ADAM32: variants seen among roughly 807,000 people sequenced by gnomAD.
The protein encoded by ADAM32 is ADAM metallopeptidase domain 32, also known as disintegrin and metalloproteinase domain-containing protein 32.
Under a neutral mutation model 114.9 loss-of-function variants are expected in ADAM32, and 89 were observed. The observed-to-expected ratio is 0.77, with a 90% CI of 0.65 to 0.92. The LOEUF is 0.92. Ranked by LOEUF, ADAM32 falls within the 40% of genes least tolerant of loss-of-function variation. The pLI is 0.00. For synonymous variants in ADAM32, 285 were observed against 307.5 expected (o/e 0.93, Z 0.77); for missense variants, 870 against 932.8 (o/e 0.93, Z 0.88).
chr8:39,125,138 A>G (rs1802033908), intron 2 of ADAM32, among the ~76,000 whole-genome samples: 1 of 152,104 alleles, frequency 6.6e-6, no homozygotes, highest in Non-Finnish European at 1.5e-5. Context: ...GGCCACATGT[A>G]TGTCTTCTTT....
chr8:39,147,615 C>T (rs1008338603), intron 4 of ADAM32, among the ~76,000 whole-genome samples: 2 of 152,040 alleles, frequency 1.3e-5, no homozygotes, highest in Non-Finnish European at 2.9e-5. Context: ...GCCCTTCAAA[C>T]TAAGTGTCCA....
chr8:39,115,272 A>T (rs966532111), intron 1 of ADAM32, among the ~76,000 whole-genome samples: 2 of 152,064 alleles, frequency 1.3e-5, no homozygotes, highest in African/African-American at 4.8e-5. Context: ...GTTCTCTTTT[A>T]GGTTCCTTGA....
chr8:39,248,463 T>G (rs868030889), intron 17 of ADAM32, among the ~76,000 whole-genome samples: 14 of 152,194 alleles, frequency 9.2e-5, no homozygotes, highest in African/African-American at 3.4e-4. Context: ...GCAAATAGTA[T>G]TATGTCTTTA....
intron 10 of ADAM32, among the ~76,000 whole-genome samples, chr8:39,179,731 C>T (rs959576833): frequency 5.3e-5 from 8 of 152,124 alleles, no homozygotes; most frequent in African/African-American, 1.2e-4. Context: ...GGGCCATCAC[C>T]CCACCTTGCT....
rs1458697188 is a variant in ADAM32, at chr8:39,158,526, C to A, written c.526-2371C>A. On this transcript the variant is annotated intron_variant, in intron 6 of 24. Transcript: ENST00000379907. Reference sequence around the variant, plus strand: ...TTCACCTTGGGTCCTAGCCGGCCAGCTTCCCACACGATGTGTCATGCCAGC... The same window carrying A: ...TTCACCTTGGGTCCTAGCCGGCCAGATTCCCACACGATGTGTCATGCCAGC... 3.0e-5 allele frequency: 10 copies of A among 328,858 alleles called. No homozygotes were observed. The Admixed American group carries it at 4.5e-4, about 15-fold the overall frequency. The allele number at this position is 328,858 out of a possible 1,614,324, so 20.4% of individuals were successfully genotyped here.
intron 3 of ADAM32, among the ~76,000 whole-genome samples, chr8:39,139,527 G>T (rs1171654597): frequency 6.6e-6 from 1 of 152,082 alleles, no homozygotes; most frequent in Non-Finnish European, 1.5e-5. Flanking sequence ...CTGTTCCATT[G>T]GTCTATATCT....
chr8:39,132,514 A>G (rs1052755377), intron 2 of ADAM32, among the ~76,000 whole-genome samples: 3 of 152,234 alleles, frequency 2.0e-5, no homozygotes, highest in Non-Finnish European at 4.4e-5. Flanking sequence ...ATATATCATC[A>G]TAATTATTGC....
rs371668554 is a variant in ADAM32, at chr8:39,254,496, T to C, written c.1985T>C (p.Ile662Thr). Residue 662 changes from isoleucine to threonine, a missense_variant, in exon 18 of 25, where the codon ATA becomes ACA. Ile to Thr is a moderately conservative substitution (Grantham distance 89). Transcript: ENST00000379907. ...CAAATACGTTCCAAAGGATTTTCCA[T>C]ATTTCCTGAGGAAGATATGGGCAAG... Reference protein sequence around the residue: ...NCQIRSKGFSIFPEEDMGSIM... With the variant: ...NCQIRSKGFSTFPEEDMGSIM... 2.8e-5 allele frequency: 45 copies of C among 1,587,228 alleles called. No individual in the cohort carries two copies. Among genetic ancestry groups the C allele is most frequent in the Non-Finnish European group, 3.2e-5 (37 of 1,165,372 alleles).
chr8:39,171,430 C>T (rs1805182368), intron 10 of ADAM32, among the ~76,000 whole-genome samples: 1 of 152,142 alleles, frequency 6.6e-6, no homozygotes, highest in South Asian at 2.1e-4. Flanking sequence ...ATATCTTCTA[C>T]TTCGTGTGTT....
chr8:39,221,442 G>A, intron 12 of ADAM32, 168 bp from the exon 13 acceptor site: 1 of 574,504 alleles, frequency 1.7e-6, no homozygotes, highest in Non-Finnish European at 3.1e-6. Flanking sequence ...GGTAGTAAAA[G>A]TCCTACATTA....
intron 12 of ADAM32, 76 bp from the exon 13 acceptor site, chr8:39,221,534 A>C (rs938084746): frequency 8.7e-7 from 1 of 1,155,480 alleles, no homozygotes; most frequent in African/African-American, 1.5e-5. Context: ...CAGTAAGCCC[A>C]TCAAAATATA....
chr8:39,178,794 T>A (rs1805670606), intron 10 of ADAM32, among the ~76,000 whole-genome samples: 2 of 152,170 alleles, frequency 1.3e-5, no homozygotes, highest in African/African-American at 2.4e-5. Context: ...ATAGGGCTGC[T>A]GCAGTTTGCT....
At chr8:39,182,221 A>C (rs185459763) in intron 10 of ADAM32, among the ~76,000 whole-genome samples, 1 of 152,232 alleles carries the variant, frequency 6.6e-6, no homozygotes, top group Non-Finnish European at 1.5e-5. Flanking sequence ...GCTTTTTGAT[A>C]AAAGAAACTC....
chr8:39,211,038 A>T (rs1808170783), intron 11 of ADAM32, 106 bp from the exon 12 acceptor site: 2 of 1,037,026 alleles, frequency 1.9e-6, no homozygotes, highest in Non-Finnish European at 2.6e-6. Flanking sequence ...TATTATAAAC[A>T]TTTGTAACAG....
chr8:39,278,238 C>T (rs900891382), intron 22 of ADAM32, among the ~76,000 whole-genome samples: 4 of 152,150 alleles, frequency 2.6e-5, no homozygotes, highest in Non-Finnish European at 5.9e-5. Context: ...AGCTGCCTCT[C>T]GTCTCTGCCA....
chr8:39,235,003 G>T (rs866325595), intron 16 of ADAM32, among the ~76,000 whole-genome samples: 9 of 151,066 alleles, frequency 6.0e-5, no homozygotes, highest in African/African-American at 2.2e-4. Flanking sequence ...CCTTCCCCCC[G>T]CCCCTCTCTG....
chr8:39,267,116 G>A (rs1307206334), intron 19 of ADAM32, among the ~76,000 whole-genome samples: 1 of 152,212 alleles, frequency 6.6e-6, no homozygotes, highest in Non-Finnish European at 1.5e-5. Context: ...GTGGGTCCAT[G>A]TATATGTGCG....
At position 39,107,801 on chromosome 8, in the gene ADAM32, C is replaced by T. The variant is rs1839986672; in HGVS notation, c.26C>T (p.Ala9Val). 1 of 1,549,808 alleles carries T rather than the reference C, an allele frequency of 6.5e-7. No individual in the cohort carries two copies. Among genetic ancestry groups the T allele is most frequent in the Admixed American group, 2.0e-5 (1 of 50,906 alleles). Residue 9 changes from alanine (A) to valine (V), a missense_variant, in exon 1 of 25, where the codon GCC becomes GTC. Ala to Val is a moderately conservative substitution (Grantham distance 64, BLOSUM62 0). Coordinates refer to ENST00000379907, the MANE Select transcript of ADAM32 (RefSeq NM_145004.7). MFRLWLLL[A>V]GLCGLLASRP... is the part of the protein sequence containing the mutation. ...ATGTTCCGCCTCTGGTTGCTGCTGG[C>T]CGGGCTCTGCGGCCTCCTGGCGTCA...
At chr8:39,131,971 T>C (rs1048825211) in intron 2 of ADAM32, 1 of 312,722 alleles carries the variant, frequency 3.2e-6, no homozygotes. Flanking sequence ...TCGGCTCACC[T>C]CAATCTCCGT....
Sources: gnomAD v4.1 joint callset for allele counts (sites outside exome capture counted in the v4.1 genomes callset) on GRCh38, gnomAD v4.1.1 for gene constraint, MANE v1.5 for transcripts, NCBI Gene and HGNC (gene_info 2026-07-23, HGNC 2026-07-21) for gene names.